Variants in WASL observed in about 807,000 individuals in gnomAD.
WASL encodes actin nucleation-promoting factor WASL.
WASL carries 20 observed loss-of-function variants against 55.5 expected under a neutral mutation model. The observed-to-expected ratio is 0.36, with a 90% CI of 0.25 to 0.52. The LOEUF (loss-of-function observed/expected upper bound fraction) is 0.52. Among genes scored for constraint, WASL ranks in the 20% least tolerant of loss-of-function variants. WASL has a pLI of 0.92. For missense variants in WASL, 504 were observed against 622.5 expected (o/e 0.81, Z 2.03); for synonymous variants, 249 against 217.6 (o/e 1.14, Z -1.27).
intron 1 of WASL, among the ~76,000 whole-genome samples, chr7:123,747,157 A>T (rs1395462226): frequency 2.0e-5 from 3 of 152,232 alleles, no homozygotes; most frequent in Non-Finnish European, 4.4e-5. Flanking sequence ...TGTAGTGCAA[A>T]GTACAATGGG....
At chr7:123,735,295 T>TA (rs1335752160) in intron 1 of WASL, among the ~76,000 whole-genome samples, 3 of 151,514 alleles carry the variant, frequency 2.0e-5, no homozygotes, top group African/African-American at 2.4e-5. Context: ...AATAGCTTCT[T>TA]ACCATCAAAA....
intron 5 of WASL, among the ~76,000 whole-genome samples, chr7:123,701,302 C>T (rs1803585643): frequency 6.6e-6 from 1 of 152,130 alleles, no homozygotes; most frequent in African/African-American, 2.4e-5. Flanking sequence ...ATAACTGTTG[C>T]ATGAAAAGGT....
chr7:123,686,682 T>C (rs1803296746), intron 10 of WASL, among the ~76,000 whole-genome samples: 1 of 152,182 alleles, frequency 6.6e-6, no homozygotes, highest in African/African-American at 2.4e-5. Context: ...CTTACATTTC[T>C]TTATGAATGA....
At chr7:123,689,428 A>G (rs1037169611) in intron 9 of WASL, among the ~76,000 whole-genome samples, 1 of 152,204 alleles carries the variant, frequency 6.6e-6, no homozygotes, top group Non-Finnish European at 1.5e-5. Flanking sequence ...CCTGAATAAT[A>G]CTTGCTGGGT....
rs1285767885 is a variant in WASL at position 123,748,724 on chromosome 7, A to C, written c.11T>G (p.Val4Gly). The change falls in exon 1 of 11, where the codon GTC becomes GGC. Residue 4 changes from valine (V) to glycine (G), a missense_variant. By Grantham distance (109) the Val-to-Gly change is moderately radical (BLOSUM62 -3). Coordinates refer to ENST00000223023, the MANE Select transcript of WASL (RefSeq NM_003941.4). Reference sequence around the variant, plus strand: ...CCGCGGCGGCGGCGGCTGCTGCTGGACGGAGCTCATGGTTTCGCCGGCGGG... The same window carrying C: ...CCGCGGCGGCGGCGGCTGCTGCTGGCCGGAGCTCATGGTTTCGCCGGCGGG... MSS[V>G]QQQPPPPRRV... is the part of the protein sequence containing the mutation. 1 of 1,592,090 alleles carries C rather than the reference A, an allele frequency of 6.3e-7. No homozygotes were observed. The highest frequency in any genetic ancestry group is 1.7e-5 in the Admixed American group (1 of 57,812).
chr7:123,708,962 A>T, intron 2 of WASL, 127 bp downstream of exon 2: 1 of 900,916 alleles, frequency 1.1e-6, no homozygotes, highest in Non-Finnish European at 1.5e-6. Flanking sequence ...ACCAAGCTTC[A>T]CTCTTCTAAT....
chr7:123,745,995 T>A (rs1303698491), intron 1 of WASL, among the ~76,000 whole-genome samples: 2 of 152,204 alleles, frequency 1.3e-5, no homozygotes, highest in South Asian at 2.1e-4. Context: ...TACACAGTCT[T>A]AATCCACACA....
Position 123,709,219 on chromosome 7 carries a change from A to G in WASL, c.122T>C (p.Met41Thr). The G allele has an allele frequency of 6.2e-7, 1 of 1,601,810 alleles. No homozygotes were observed. Among genetic ancestry groups the G allele is most frequent in the Non-Finnish European group, 8.5e-7 (1 of 1,174,270 alleles). ...FTFLGKKCVT[M>T]SSAVVQLYAA... ...ATATAACTGCACCACTGCTGAAGAC[A>G]TAGTCTGCAAAATATAAAATTTATA... The change falls in exon 2 of 11, where the codon ATG becomes ACG. Residue 41 changes from methionine (M) to threonine (T), a missense_variant. Met to Thr is a moderately conservative substitution (Grantham distance 81, BLOSUM62 -1). Around this residue, in one of 5 missense-constraint regions of WASL, gnomAD observed 230 missense variants for 271.9 expected, o/e 0.85. Transcript: ENST00000223023.
At chr7:123,748,539 C>T in intron 1 of WASL, 79 bp downstream of exon 1, 1 of 1,501,460 alleles carries the variant, frequency 6.7e-7, no homozygotes, top group Non-Finnish European at 9.2e-7. Context: ...CGCCTCCTTC[C>T]CCACTCCCAC....
At chr7:123,740,106 A>C (rs1804311245) in intron 1 of WASL, among the ~76,000 whole-genome samples, 1 of 152,084 alleles carries the variant, frequency 6.6e-6, no homozygotes, top group African/African-American at 2.4e-5. Flanking sequence ...CACTAATAAA[A>C]ATCATTTCAG....
chr7:123,716,608 G>A (rs748481814), intron 1 of WASL, among the ~76,000 whole-genome samples: 14 of 151,978 alleles, frequency 9.2e-5, no homozygotes, highest in Non-Finnish European at 1.3e-4. Context: ...AAAAAGAGAG[G>A]GAGGGAGAGT....
intron 9 of WASL, 39 bp from the exon 10 acceptor site, chr7:123,689,189 T>G: frequency 6.5e-7 from 1 of 1,546,042 alleles, no homozygotes; most frequent in Admixed American, 1.7e-5. Flanking sequence ...TAATAAATCT[T>G]TAGCCAAGAA....
chr7:123,703,900 T>C (rs545639086), intron 5 of WASL, among the ~76,000 whole-genome samples: 2 of 152,300 alleles, frequency 1.3e-5, no homozygotes, highest in South Asian at 2.1e-4. Context: ...AGGAACCTCA[T>C]TTAAATACGA....
intron 6 of WASL, 74 bp from the exon 7 acceptor site, chr7:123,695,939 C>A (rs1003634100): frequency 6.9e-7 from 1 of 1,450,488 alleles, no homozygotes; most frequent in East Asian, 2.3e-5. Flanking sequence ...ATATATGAAA[C>A]CCAATCTACA....
chr7:123,692,032 A>C (rs1803417678), intron 9 of WASL, among the ~76,000 whole-genome samples: 1 of 152,208 alleles, frequency 6.6e-6, no homozygotes, highest in Admixed American at 6.5e-5. Flanking sequence ...GGTAAAACTA[A>C]TCTATGGTGA....
chr7:123,697,198 G>C (rs1803507331), intron 5 of WASL, among the ~76,000 whole-genome samples: 1 of 152,064 alleles, frequency 6.6e-6, no homozygotes, highest in East Asian at 1.9e-4. Flanking sequence ...TATTAGTCAA[G>C]AAGAAAAAGG....
chr7:123,713,434 C>A (rs1405462681), intron 1 of WASL, among the ~76,000 whole-genome samples: 1 of 152,052 alleles, frequency 6.6e-6, no homozygotes, highest in African/African-American at 2.4e-5. Context: ...ATTACAGATG[C>A]GAGCCACTGT....
chr7:123,739,499 T>C (rs1804293486), intron 1 of WASL, among the ~76,000 whole-genome samples: 2 of 152,076 alleles, frequency 1.3e-5, no homozygotes, highest in Admixed American at 1.3e-4. Flanking sequence ...TGCAACCATT[T>C]AGTTTTGTAC....
chr7:123,695,885 A>C lies in WASL; in HGVS notation c.630-20T>G. The C allele has an allele frequency of 1.2e-6, 2 of 1,610,780 alleles. No individual in the cohort carries two copies. The highest frequency in any genetic ancestry group is 1.7e-6 in the Non-Finnish European group (2 of 1,177,584). ...ATGTGCCTGAAGTAGAAAATAGAAA[A>C]AAAATAGAAAAACAAAATGCATAAA... On this transcript the variant is annotated intron_variant, in intron 6 of 10. Coordinates refer to ENST00000223023, the MANE Select transcript of WASL (RefSeq NM_003941.4).
Sources: allele counts gnomAD v4.1 joint callset (sites outside exome capture counted in the v4.1 genomes callset), GRCh38; gene constraint gnomAD v4.1.1; regional missense constraint gnomAD v4.1.1; transcripts MANE v1.5; gene names NCBI Gene and HGNC (gene_info 2026-07-23, HGNC 2026-07-21).